UNC79: variants seen among roughly 807,000 people sequenced by gnomAD.
UNC79 encodes the protein unc-79 subunit of NALCN channel complex.
UNC79 carries 37 observed loss-of-function variants against 283.1 expected under a neutral mutation model. The ratio of observed to expected loss-of-function variants is 0.13; its 90% confidence interval spans 0.10 to 0.17. The LOEUF (loss-of-function observed/expected upper bound fraction) is 0.17, where lower values mean the gene tolerates loss of function less well. Among genes scored for constraint, UNC79 ranks in the 10% least tolerant of loss-of-function variants. UNC79 has a pLI of 1.00. For synonymous variants in UNC79, 1,107 were observed against 1,200.2 expected (o/e 0.92, Z 1.61); for missense variants, 2,272 against 3,211.1 (o/e 0.71, Z 7.07).
At chr14:93,635,025 A>G (rs2140126718) in intron 31 of UNC79, among the ~76,000 whole-genome samples, 1 of 152,374 alleles carries the variant, frequency 6.6e-6, no homozygotes, top group Middle Eastern at 3.4e-3. Flanking sequence ...AGTAATACTA[A>G]TAGTGATAAA....
intron 32 of UNC79, 151 bp downstream of exon 35, chr14:93,637,450 GT>G (rs2068606903): frequency 1.5e-6 from 2 of 1,329,408 alleles, no homozygotes; most frequent in Admixed American, 2.9e-5. Flanking sequence ...CTGAGAGTGC[GT>G]GACATCTCAT....
chr14:93,478,341 A>G (rs1365467969), intron 4 of UNC79, among the ~76,000 whole-genome samples: 3 of 152,196 alleles, frequency 2.0e-5, no homozygotes, highest in Non-Finnish European at 1.5e-5. Flanking sequence ...ATCCTGTTTC[A>G]TTTCTGTAGA....
At chr14:93,487,409 G>A (rs2058498311) in intron 4 of UNC79, among the ~76,000 whole-genome samples, 1 of 152,098 alleles carries the variant, frequency 6.6e-6, no homozygotes, top group South Asian at 2.1e-4. Flanking sequence ...GTACAACTCA[G>A]ATAAAGCCAT....
At chr14:93,699,635 C>G (rs1227513410) in intron 47 of UNC79, among the ~76,000 whole-genome samples, 2 of 152,114 alleles carry the variant, frequency 1.3e-5, no homozygotes, top group African/African-American at 4.8e-5. Context: ...CACAGTCTGC[C>G]TTCAAGGAAT....
chr14:93,616,314 A>G (rs2066721009), intron 27 of UNC79, among the ~76,000 whole-genome samples: 1 of 148,510 alleles, frequency 6.7e-6, no homozygotes, highest in Non-Finnish European at 1.5e-5. Context: ...TCTTTGGGAT[A>G]TATTTAATGG....
intron 22 of UNC79, among the ~76,000 whole-genome samples, chr14:93,592,428 C>G (rs1278874413): frequency 6.6e-6 from 1 of 152,124 alleles, no homozygotes; most frequent in Non-Finnish European, 1.5e-5. Flanking sequence ...CCTGCCTCAG[C>G]CTCCCAAAGT....
At chr14:93,487,839 G>A in intron 5 of UNC79, 84 bp downstream of exon 5, 5 of 1,296,406 alleles carry the variant, frequency 3.9e-6, no homozygotes, top group East Asian at 2.4e-5. Context: ...ATGTTCTCAT[G>A]TGAGAACGTC....
intron 1 of UNC79, among the ~76,000 whole-genome samples, chr14:93,339,769 G>C (rs948344774): frequency 6.6e-6 from 1 of 152,214 alleles, no homozygotes; most frequent in Non-Finnish European, 1.5e-5. Flanking sequence ...GTACTGGTTT[G>C]TTAACCCCTT....
chr14:93,538,287 G>A lies in UNC79; in HGVS notation c.1352+69G>A, dbSNP rs1479045761. 9 of 1,413,872 alleles carry A rather than the reference G, an allele frequency of 6.4e-6. No homozygotes were observed. In the East Asian group the frequency reaches 2.0e-4, roughly 32 times the overall value. The allele number at this position is 1,413,872 out of a possible 1,614,324, so 87.6% of individuals were successfully genotyped here. The stretch of plus-strand genomic sequence containing the variant: ...TGCTTTGAGCTAAGCTCCGCACACT[G>A]AGATGTGCATATTTAATGCAACCTC... On this transcript the variant is annotated intron_variant, in intron 12 of 48. Transcript: ENST00000555664.
chr14:93,646,524 C>A, intron 34 of UNC79, 84 bp from the exon 38 acceptor site: 1 of 1,390,374 alleles, frequency 7.2e-7, no homozygotes, highest in Non-Finnish European at 1.0e-6. Context: ...AAACTGGAAA[C>A]ACAACAGGTC....
intron 3 of UNC79, among the ~76,000 whole-genome samples, chr14:93,476,217 G>T (rs769042531): frequency 6.6e-6 from 1 of 152,144 alleles, no homozygotes; most frequent in Non-Finnish European, 1.5e-5. Context: ...TTGCTGCTGG[G>T]TCTGGGTGGA....
intron 1 of UNC79, among the ~76,000 whole-genome samples, chr14:93,391,220 A>G (rs1438570307): frequency 6.6e-6 from 1 of 152,206 alleles, no homozygotes; most frequent in African/African-American, 2.4e-5. Flanking sequence ...CTTTTCAATA[A>G]AATGTATGGG....
At chr14:93,438,520 G>A (rs911979777) in intron 1 of UNC79, among the ~76,000 whole-genome samples, 1 of 152,048 alleles carries the variant, frequency 6.6e-6, no homozygotes, top group African/African-American at 2.4e-5. Context: ...GCCAACAATT[G>A]CTCCTGTGGT....
chr14:93,705,856 G>A (rs187190905), intron 48 of UNC79, among the ~76,000 whole-genome samples: 4 of 152,294 alleles, frequency 2.6e-5, no homozygotes, highest in Admixed American at 6.5e-5. Context: ...GAAGGAAAGC[G>A]GTATGAACTC....
At chr14:93,503,339 T>C (rs1023765857) in intron 7 of UNC79, among the ~76,000 whole-genome samples, 4 of 152,064 alleles carry the variant, frequency 2.6e-5, no homozygotes, top group Non-Finnish European at 5.9e-5. Flanking sequence ...CTTTCTGGCT[T>C]TTATATATAA....
intron 1 of UNC79, among the ~76,000 whole-genome samples, chr14:93,406,338 T>C (rs1056476539): frequency 3.9e-5 from 6 of 152,172 alleles, no homozygotes; most frequent in African/African-American, 1.4e-4. Context: ...ATTCCAGCAC[T>C]TTGGGGGTCT....
chr14:93,404,531 ATATT>A lies in UNC79; in HGVS notation c.-350-63139_-350-63136del, dbSNP rs550208436. 1.4e-3 allele frequency among the ~76,000 whole-genome samples: 159 copies of A among 109,698 alleles called. 2 individuals are homozygous for A. In the East Asian group the frequency reaches 0.019, roughly 13 times the overall value. 72.0% of individuals were successfully genotyped at this position (109,698 alleles called of 152,430 possible). A position where few individuals can be genotyped will look rare whatever the true frequency, so the allele number is the denominator to read the frequency against. ...ATATATATAAATATATACATATTAT[ATATT>A]ATTGTAATATAATATATATGTAATC... On this transcript the variant is annotated intron_variant, in intron 1 of 49. Transcript: ENST00000256339.
At chr14:93,618,141 T>C in intron 28 of UNC79, 51 bp from the exon 30 acceptor site, 9 of 1,564,776 alleles carry the variant, frequency 5.8e-6, no homozygotes, top group Non-Finnish European at 7.8e-6. Context: ...GTGGAAAAGC[T>C]TACCCTCTAA....
At chr14:93,615,738 AAAAAAAAGAAAAGAAGAAAAGAAGAAAAG>A (rs1454132087) in intron 27 of UNC79, among the ~76,000 whole-genome samples, 424 of 146,498 alleles carry the variant, frequency 2.9e-3, no homozygotes, top group African/African-American at 0.011. Context: ...AAAAAAAAAA[AAAAAAAAGAAAAGAAGAAAAGAAGAAAAG>A]AAAAAAAGAA....
Sources: allele counts gnomAD v4.1 joint callset (sites outside exome capture counted in the v4.1 genomes callset), GRCh38; gene constraint gnomAD v4.1.1; transcripts MANE v1.5; gene names NCBI Gene and HGNC (gene_info 2026-07-23, HGNC 2026-07-21).